Variants in LDLRAD4 observed in about 807,000 individuals in gnomAD.
LDLRAD4 encodes the protein low density lipoprotein receptor class A domain containing 4, also known as low-density lipoprotein receptor class A domain-containing protein 4.
Under a neutral mutation model 17.0 loss-of-function variants are expected in LDLRAD4, and 5 were observed. The observed-to-expected ratio is 0.29, with a 90% CI of 0.15 to 0.62. The LOEUF is 0.62. Ranked by LOEUF, LDLRAD4 falls within the 20% of genes least tolerant of loss-of-function variation. The pLI is 0.84. For missense variants in LDLRAD4, 340 were observed against 424.7 expected, an observed-to-expected ratio of 0.80 and a Z score of 1.75; for synonymous variants, 168 against 171.8, an observed-to-expected ratio of 0.98 and a Z score of 0.17.
intron 3 of LDLRAD4, among the ~76,000 whole-genome samples, chr18:13,610,943 G>A (rs746852872): frequency 2.6e-5 from 4 of 152,140 alleles, no homozygotes; most frequent in Admixed American, 6.5e-5. Context: ...GATTTCCCTC[G>A]CGGCTGTATA....
chr18:13,560,692 G>T (rs1454233510), intron 3 of LDLRAD4, among the ~76,000 whole-genome samples: 1 of 152,228 alleles, frequency 6.6e-6, no homozygotes, highest in African/African-American at 2.4e-5. Context: ...CTCTGTGAAA[G>T]GATCTGCTGA....
At chr18:13,346,276 G>A (rs1435871935) in intron 1 of LDLRAD4, among the ~76,000 whole-genome samples, 1 of 152,038 alleles carries the variant, frequency 6.6e-6, no homozygotes, top group Non-Finnish European at 1.5e-5. Flanking sequence ...CTTGTATGTT[G>A]TGTCTTTGTT....
At chr18:13,240,893 G>A (rs2042606925) in intron 1 of LDLRAD4, 1 of 152,304 alleles carries the variant, frequency 6.6e-6, no homozygotes, top group Non-Finnish European at 1.5e-5. Flanking sequence ...AGAGAGAATT[G>A]GCCCTACTCG....
chr18:13,473,671 ATATATAT>A lies in LDLRAD4; in HGVS notation c.181+35288_181+35294del, dbSNP rs1568213983. Among the ~76,000 whole-genome samples the A allele has an allele frequency of 7.3e-3, 824 of 113,310 alleles. 40 individuals are homozygous for A. The highest frequency in any genetic ancestry group is 0.013 in the African/African-American group (399 of 30,132). 74.3% of individuals were successfully genotyped at this position (113,310 alleles called of 152,430 possible). On this transcript the variant is annotated intron_variant, in intron 3 of 5. Coordinates refer to ENST00000359446, the Ensembl canonical transcript of LDLRAD4. ...TATATATATATATATATATATATAT[ATATATAT>A]AACGTTTACATTTTATATATATTTA...
intron 1 of LDLRAD4, among the ~76,000 whole-genome samples, chr18:13,224,541 G>A (rs192859646): frequency 2.6e-4 from 37 of 143,504 alleles, no homozygotes; most frequent in Non-Finnish European, 3.7e-4. Context: ...GTTCAGTGGC[G>A]CAATCTCGGC....
intron 1 of LDLRAD4, among the ~76,000 whole-genome samples, chr18:13,262,086 G>A (rs1431902044): frequency 1.7e-5 from 2 of 115,204 alleles, no homozygotes; most frequent in African/African-American, 6.1e-5. Context: ...ACTGAGTCCC[G>A]TGTGGCTCTG....
At chr18:13,242,234 A>G (rs1567924026) in intron 1 of LDLRAD4, among the ~76,000 whole-genome samples, 1 of 152,204 alleles carries the variant, frequency 6.6e-6, no homozygotes, top group African/African-American at 2.4e-5. Flanking sequence ...CATCAAAACA[A>G]TTTTGTCTAG....
At chr18:13,481,274 T>A (rs1182181086) in intron 3 of LDLRAD4, among the ~76,000 whole-genome samples, 1 of 152,204 alleles carries the variant, frequency 6.6e-6, no homozygotes. Context: ...ACAGGACACG[T>A]GTCTGGAAGA....
chr18:13,644,999 T>C (rs2042940035), intron 5 of LDLRAD4, 128 bp from the exon 7 acceptor site: 4 of 781,190 alleles, frequency 5.1e-6, no homozygotes, highest in Non-Finnish European at 8.2e-6. Flanking sequence ...TTTTCTTTTT[T>C]TTTTTCCTGG....
At chr18:13,452,389 G>A (rs1293827851) in intron 3 of LDLRAD4, among the ~76,000 whole-genome samples, 1 of 152,120 alleles carries the variant, frequency 6.6e-6, no homozygotes, top group East Asian at 1.9e-4. Context: ...GGAGTCTGGG[G>A]CTATCTCCTG....
Position 13,645,558 on chromosome 18 carries a change from C to T in LDLRAD4, c.822C>T (p.Asn274=), listed in dbSNP as rs572612372. The T allele has an allele frequency of 3.9e-5, 62 of 1,609,092 alleles. No homozygotes were observed. The highest frequency in any genetic ancestry group is 3.3e-4 in the South Asian group (30 of 90,200). The change falls in exon 6 of 6, where the codon AAC becomes AAT. Residue 274 remains asparagine, a synonymous_variant. Transcript: ENST00000359446. This position sits in a 1 kb window ranked among gnomAD's most constrained non-coding sequence, Gnocchi z 5.7. The stretch of plus-strand genomic sequence containing the variant: ...CTTTCCTCCATCACCAGCGCAGCAA[C>T]GCACACAGGGGCAGCAGACTGCAGT...
At chr18:13,259,721 C>T (rs1473500380) in intron 1 of LDLRAD4, among the ~76,000 whole-genome samples, 2 of 141,282 alleles carry the variant, frequency 1.4e-5, no homozygotes, top group Non-Finnish European at 3.1e-5. Context: ...TTGTGCTGCT[C>T]ACAAACTCAA....
At chr18:13,323,812 A>G (rs2143450842) in intron 1 of LDLRAD4, among the ~76,000 whole-genome samples, 1 of 152,330 alleles carries the variant, frequency 6.6e-6, no homozygotes, top group Non-Finnish European at 1.5e-5. Flanking sequence ...AGTTCAGAGA[A>G]GGATATAATC....
chr18:13,492,538 C>T (rs909872239), intron 3 of LDLRAD4, among the ~76,000 whole-genome samples: 6 of 152,174 alleles, frequency 3.9e-5, no homozygotes, highest in Non-Finnish European at 7.3e-5. Flanking sequence ...TCTCCAGCCC[C>T]GTAGAACGCC....
rs1203232240 is a variant in LDLRAD4 at position 13,367,384 on chromosome 18, G to A, written c.-382-19957G>A. 2.0e-5 allele frequency among the ~76,000 whole-genome samples: 3 copies of A among 152,158 alleles called. No homozygotes were observed. Among genetic ancestry groups the A allele is most frequent in the Non-Finnish European group, 4.4e-5 (3 of 68,012 alleles). On this transcript the variant is annotated intron_variant, in intron 1 of 5. Coordinates refer to ENST00000359446, the Ensembl canonical transcript of LDLRAD4. The surrounding 1 kb of genome is among the most constrained non-coding windows in gnomAD (Gnocchi z 4.1). ...TGTGCAGAACACACGGGGACTGGCA[G>A]GCAGGAAAGGGGGCGAGGGGGTCTC...
At chr18:13,314,815 A>G (rs1437375847) in intron 1 of LDLRAD4, among the ~76,000 whole-genome samples, 1 of 152,216 alleles carries the variant, frequency 6.6e-6, no homozygotes, top group Non-Finnish European at 1.5e-5. Context: ...AGGTGAGCCT[A>G]GTAATCTGCA....
chr18:13,343,631 A>G (rs565669601), intron 1 of LDLRAD4, among the ~76,000 whole-genome samples: 1 of 152,244 alleles, frequency 6.6e-6, no homozygotes, highest in Non-Finnish European at 1.5e-5. Context: ...TGGTATTTCT[A>G]GTTCTAGATC....
At chr18:13,320,671 C>G (rs1331625783) in intron 1 of LDLRAD4, among the ~76,000 whole-genome samples, 1 of 152,286 alleles carries the variant, frequency 6.6e-6, no homozygotes, top group East Asian at 1.9e-4. Flanking sequence ...ACTGCAGTCC[C>G]CAACAGTGAG....
intron 1 of LDLRAD4, among the ~76,000 whole-genome samples, chr18:13,234,132 C>G (rs1444550014): frequency 1.3e-5 from 2 of 152,228 alleles, no homozygotes; most frequent in South Asian, 2.1e-4. Context: ...TGCGGGGCCT[C>G]TGACCGGGTG....
Sources: gnomAD v4.1 joint callset for allele counts (sites outside exome capture counted in the v4.1 genomes callset) on GRCh38, gnomAD v4.1.1 for gene constraint, Gnocchi (gnomAD v3.1) non-coding constraint, MANE v1.5 for transcripts, NCBI Gene and HGNC (gene_info 2026-07-23, HGNC 2026-07-21) for gene names.